The following FHIT variants were observed in gnomAD, a reference collection of about 807,000 sequenced individuals.
FHIT encodes the protein fragile histidine triad diadenosine triphosphatase.
A neutral mutation model predicts 17.9 loss-of-function variants in FHIT; 19 were observed. The ratio of observed to expected loss-of-function variants is 1.06; its 90% CI spans 0.74 to 1.56. FHIT has a LOEUF of 1.56. FHIT is among the 40% of genes most tolerant of loss of function. FHIT has a pLI of 0.00. For missense variants in FHIT, 248 were observed against 189.2 expected (o/e 1.31, Z -1.82); for synonymous variants, 81 against 69.7 (o/e 1.16, Z -0.81).
At chr3:60,766,115 C>G (rs1171143503) in intron 4 of FHIT, among the ~76,000 whole-genome samples, 1 of 152,170 alleles carries the variant, frequency 6.6e-6, no homozygotes, top group Non-Finnish European at 1.5e-5. Flanking sequence ...GCCAACTCTT[C>G]CTAATATATT....
Position 61,014,808 on chromosome 3 carries a change from A to AAAT in FHIT, c.-111+27238_-111+27239insATT, listed in dbSNP as rs1156410696. Among the ~76,000 whole-genome samples, 91 of 26,972 alleles carry AAAT rather than the reference A, an allele frequency of 3.4e-3. 4 individuals are homozygous for AAAT. Among genetic ancestry groups the AAAT allele is most frequent in the African/African-American group, 3.7e-3 (45 of 12,116 alleles). The allele number at this position is 26,972 out of a possible 152,430, so 17.7% of individuals were successfully genotyped here. ...AAAAAAAAAAAAAAAAAAAAAAAAA[A>AAAT]TATATATATATATATATGTATACAC... On this transcript the variant is annotated intron_variant, in intron 3 of 9. Coordinates refer to ENST00000492590, the MANE Select transcript of FHIT (RefSeq NM_002012.4).
chr3:60,581,553 T>C (rs1015611775), intron 4 of FHIT, among the ~76,000 whole-genome samples: 15 of 152,142 alleles, frequency 9.9e-5, no homozygotes, highest in South Asian at 2.1e-4. Flanking sequence ...GGTAAAACCA[T>C]AGTGATTCCT....
At chr3:59,925,519 G>T (rs1420367395) in intron 7 of FHIT, among the ~76,000 whole-genome samples, 1 of 152,066 alleles carries the variant, frequency 6.6e-6, no homozygotes, top group African/African-American at 2.4e-5. Context: ...GGGGGGTTGC[G>T]AACCTGCACT....
At chr3:60,708,977 C>T (rs879951636) in intron 4 of FHIT, among the ~76,000 whole-genome samples, 2 of 152,074 alleles carry the variant, frequency 1.3e-5, no homozygotes, top group African/African-American at 2.4e-5. Flanking sequence ...GTTTCTATAG[C>T]GCATTGCAAG....
intron 4 of FHIT, among the ~76,000 whole-genome samples, chr3:60,746,521 C>T (rs184286890): frequency 3.0e-4 from 45 of 152,252 alleles, no homozygotes; most frequent in Admixed American, 8.5e-4. Flanking sequence ...TATTAACCTA[C>T]AGTCACCTGA....
At chr3:60,548,274 G>A (rs535261304) in intron 4 of FHIT, among the ~76,000 whole-genome samples, 2 of 152,122 alleles carry the variant, frequency 1.3e-5, no homozygotes, top group African/African-American at 4.8e-5. Context: ...GTCACTTTAG[G>A]CAATCCCTTT....
chr3:60,270,735 T>G (rs1161611320), intron 5 of FHIT, among the ~76,000 whole-genome samples: 1 of 152,206 alleles, frequency 6.6e-6, no homozygotes, highest in African/African-American at 2.4e-5. Flanking sequence ...AGTTCGGCTT[T>G]GGCCATTTCC....
intron 5 of FHIT, among the ~76,000 whole-genome samples, chr3:60,249,346 T>G (rs1250551983): frequency 2.0e-4 from 30 of 152,080 alleles, no homozygotes; most frequent in Admixed American, 2.0e-3. Flanking sequence ...CTATTTACAC[T>G]TTTCTCGGAA....
chr3:60,957,163 A>T (rs1575750779), intron 3 of FHIT, among the ~76,000 whole-genome samples: 1 of 152,166 alleles, frequency 6.6e-6, no homozygotes, highest in Non-Finnish European at 1.5e-5. Context: ...AGCATTAAAA[A>T]ACAAAGAAAT....
chr3:60,479,425 A>G (rs908297161), intron 5 of FHIT, among the ~76,000 whole-genome samples: 2 of 152,202 alleles, frequency 1.3e-5, no homozygotes, highest in African/African-American at 4.8e-5. Flanking sequence ...TGGATATATG[A>G]TGGTGGTCCT....
chr3:60,315,248 G>A (rs1446561034), intron 5 of FHIT, among the ~76,000 whole-genome samples: 14 of 152,122 alleles, frequency 9.2e-5, no homozygotes, highest in Admixed American at 9.2e-4. Context: ...ATAATAAATT[G>A]TCTTCAGCTA....
intron 8 of FHIT, among the ~76,000 whole-genome samples, chr3:59,784,014 A>T (rs1250197747): frequency 6.6e-6 from 1 of 152,202 alleles, no homozygotes; most frequent in Non-Finnish European, 1.5e-5. Context: ...GAGTTGAAAG[A>T]TGATATTGAC....
intron 7 of FHIT, among the ~76,000 whole-genome samples, chr3:59,971,920 T>C (rs903102842): frequency 3.3e-5 from 5 of 152,300 alleles, no homozygotes; most frequent in Non-Finnish European, 7.4e-5. Flanking sequence ...GTCAGTGCCT[T>C]ATTCCATCTC....
intron 7 of FHIT, among the ~76,000 whole-genome samples, chr3:59,942,033 G>A (rs1183961998): frequency 6.6e-6 from 1 of 152,140 alleles, no homozygotes; most frequent in Non-Finnish European, 1.5e-5. Flanking sequence ...CCTGAGAACT[G>A]GAATCATCTC....
Position 60,633,652 on chromosome 3 carries a change from A to G in FHIT, c.-17-96673T>C, listed in dbSNP as rs558911142. 1.4e-4 allele frequency among the ~76,000 whole-genome samples: 22 copies of G among 152,316 alleles called. No individual in the cohort carries two copies. The South Asian group carries it at 4.3e-3, about 30-fold the overall frequency. On this transcript the variant is annotated intron_variant, in intron 4 of 9. Transcript: ENST00000492590. ...GACTGTGTCTGTCATCACTTGGGAA[A>G]GGAAACTGTATGCTACTCGCATTCT...
At chr3:60,914,729 C>T (rs1352918450) in intron 3 of FHIT, among the ~76,000 whole-genome samples, 1 of 152,168 alleles carries the variant, frequency 6.6e-6, no homozygotes, top group Non-Finnish European at 1.5e-5. Context: ...GTGGAATCCC[C>T]ACCAGCAATA....
At chr3:60,557,055 T>C (rs1292010040) in intron 4 of FHIT, among the ~76,000 whole-genome samples, 1 of 152,228 alleles carries the variant, frequency 6.6e-6, no homozygotes, top group East Asian at 1.9e-4. Context: ...ACCATACTAA[T>C]AAGAGCTAAT....
At chr3:60,927,757 G>A (rs897169902) in intron 3 of FHIT, among the ~76,000 whole-genome samples, 35 of 150,586 alleles carry the variant, frequency 2.3e-4, no homozygotes, top group African/African-American at 6.3e-4. Context: ...CAGCCGCCCC[G>A]CCTGGGAGGT....
At chr3:60,431,082 C>A (rs922572131) in intron 5 of FHIT, among the ~76,000 whole-genome samples, 1 of 151,860 alleles carries the variant, frequency 6.6e-6, no homozygotes, top group East Asian at 1.9e-4. Context: ...CATTGTGGTG[C>A]GCACCTATGG....
Sources: allele counts gnomAD v4.1 joint callset (sites outside exome capture counted in the v4.1 genomes callset), GRCh38; gene constraint gnomAD v4.1.1; transcripts MANE v1.5; gene names NCBI Gene and HGNC (gene_info 2026-07-23, HGNC 2026-07-21).